BICD1: variants seen among roughly 807,000 people sequenced by gnomAD.
BICD1 encodes the protein BICD cargo adaptor 1.
BICD1 carries 35 observed loss-of-function variants against 92.5 expected under a neutral mutation model. The observed-to-expected ratio is 0.38, with a 90% CI of 0.29 to 0.50. The LOEUF (loss-of-function observed/expected upper bound fraction) is 0.50, where lower values mean the gene tolerates loss of function less well. Ranked by LOEUF, BICD1 falls within the 20% of genes least tolerant of loss-of-function variation. BICD1 has a pLI of 0.93. For synonymous variants in BICD1, 429 were observed against 465.1 expected, an observed-to-expected ratio of 0.92 and a Z score of 1.00; for missense variants, 950 against 1,189.8, an observed-to-expected ratio of 0.80 and a Z score of 2.97.
intron 1 of BICD1, among the ~76,000 whole-genome samples, chr12:32,193,829 G>A (rs1177448714): frequency 6.6e-6 from 1 of 152,146 alleles, no homozygotes; most frequent in African/African-American, 2.4e-5. Flanking sequence ...AATTCGAGAG[G>A]AGGGAACACT....
In BICD1 at chr12:32,268,006, T is replaced by C. The variant is rs551110931; in HGVS notation, c.427-25988T>C. ...TTTTTGAAGAAATGGTGTCTTACTG[T>C]GTAGCCCAGACTGGCCTCAAACTCC... On this transcript the variant is annotated intron_variant, in intron 2 of 9. Coordinates refer to ENST00000652176, the MANE Select transcript of BICD1 (RefSeq NM_001714.4). 2.6e-5 allele frequency among the ~76,000 whole-genome samples: 4 copies of C among 152,290 alleles called. No homozygotes were observed. In the South Asian group the frequency reaches 8.3e-4, roughly 32 times the overall value.
chr12:32,246,916 G>T, intron 2 of BICD1, among the ~76,000 whole-genome samples: 1 of 152,042 alleles, frequency 6.6e-6, no homozygotes, highest in East Asian at 1.9e-4. Flanking sequence ...TGGTTTGGGG[G>T]TGGGGAGTAT....
chr12:32,155,928 A>C (rs1224593919), intron 1 of BICD1, among the ~76,000 whole-genome samples: 1 of 152,224 alleles, frequency 6.6e-6, no homozygotes, highest in Non-Finnish European at 1.5e-5. Context: ...ACCTGGACAT[A>C]TCTAGCAATT....
chr12:32,213,211 C>T lies in BICD1; in HGVS notation c.214-3036C>T, dbSNP rs560634902. ...CACGTCTTGTTAGTCTCATCTAGTC[C>T]GGAGGAGTCTTTCTATAATTTTCAC... On this transcript the variant is annotated intron_variant, in intron 1 of 9. Transcript: ENST00000652176. Among the ~76,000 whole-genome samples, 164 of 152,246 alleles carry T rather than the reference C, an allele frequency of 1.1e-3. 5 individuals are homozygous for T. In the South Asian group the frequency reaches 0.016, roughly 15 times the overall value.
At chr12:32,207,520 T>TTA (rs1565587557) in intron 1 of BICD1, among the ~76,000 whole-genome samples, 2 of 152,188 alleles carry the variant, frequency 1.3e-5, no homozygotes, top group Non-Finnish European at 2.9e-5. Context: ...TAGATTTTTT[T>TTA]TAAAAAAACA....
At chr12:32,368,297 C>T (rs1333974926) in intron 9 of BICD1, among the ~76,000 whole-genome samples, 1 of 151,660 alleles carries the variant, frequency 6.6e-6, no homozygotes, top group African/African-American at 2.4e-5. Context: ...CCTGGGAGTT[C>T]AAGGCTGCAG....
chr12:32,188,507 G>T lies in BICD1; in HGVS notation c.214-27740G>T, dbSNP rs115089423. On this transcript the variant is annotated intron_variant, in intron 1 of 9. Coordinates refer to ENST00000652176, the MANE Select transcript of BICD1 (RefSeq NM_001714.4). ...AATTCAGTTTTCTGTAAAAAAATAC[G>T]TAGTCTTAAGTTTACAATTCAAAAC... is the stretch of plus-strand genomic sequence containing the variant. Among the ~76,000 whole-genome samples, 903 of 152,222 alleles carry T rather than the reference G, an allele frequency of 5.9e-3. 10 individuals carry two copies. The highest frequency in any genetic ancestry group is 0.021 in the African/African-American group (858 of 41,528).
In BICD1 at chr12:32,120,992, G is replaced by A. The variant is rs1381133084; in HGVS notation, c.213+13448G>A. On this transcript the variant is annotated intron_variant, in intron 1 of 9. Transcript: ENST00000652176. ...AATTTTTTTTTTTTTTTTTTGAGAC[G>A]GAGTCTCGCGCTATTGCCCAGGCTG... is the stretch of plus-strand genomic sequence containing the variant. 8.3e-5 allele frequency among the ~76,000 whole-genome samples: 11 copies of A among 132,766 alleles called. 2 individuals carry two copies. Among genetic ancestry groups the A allele is most frequent in the South Asian group, 2.4e-4 (1 of 4,138 alleles). 87.1% of individuals were successfully genotyped at this position (132,766 alleles called of 152,430 possible).
At position 32,230,491 on chromosome 12, in the gene BICD1, G is replaced by A. The variant is rs1174222003; in HGVS notation, c.426+14032G>A. On this transcript the variant is annotated intron_variant, in intron 2 of 9. Transcript: ENST00000652176. ...GAATTCAAGAATTGAGATCATCTGTGTGGGTATTGAGAATGCCAGGAATTA... is the reference window on the plus strand; with the variant it reads ...GAATTCAAGAATTGAGATCATCTGTATGGGTATTGAGAATGCCAGGAATTA... 2.6e-5 allele frequency among the ~76,000 whole-genome samples: 4 copies of A among 152,136 alleles called. No individual in the cohort carries two copies. The East Asian group carries it at 7.7e-4, about 29-fold the overall frequency.
At chr12:32,224,759 T>G (rs533089951) in intron 2 of BICD1, among the ~76,000 whole-genome samples, 16 of 152,292 alleles carry the variant, frequency 1.1e-4, no homozygotes, top group Non-Finnish European at 2.2e-4. Flanking sequence ...TGGAGTGCAG[T>G]GTTGCAATCT....
chr12:32,302,028 A>G (rs905807743), intron 3 of BICD1, among the ~76,000 whole-genome samples: 12 of 152,104 alleles, frequency 7.9e-5, no homozygotes, highest in African/African-American at 2.7e-4. Context: ...CTGGGACTAC[A>G]TGCACCTGCC....
In BICD1 at chr12:32,205,224, G is replaced by A. The variant is rs947458495; in HGVS notation, c.214-11023G>A. ...ATTGTTAGGAATTTGTTCTAGGGGT[G>A]CCTAGAACCCTGAAAAAATTGAGCC... On this transcript the variant is annotated intron_variant, in intron 1 of 9. Coordinates refer to ENST00000652176, the MANE Select transcript of BICD1 (RefSeq NM_001714.4). Among the ~76,000 whole-genome samples, 6 of 152,232 alleles carry A rather than the reference G, an allele frequency of 3.9e-5. No individual in the cohort carries two copies. The East Asian group carries it at 1.2e-3, about 29-fold the overall frequency.
chr12:32,125,814 G>A (rs989536748), intron 1 of BICD1, among the ~76,000 whole-genome samples: 2 of 151,824 alleles, frequency 1.3e-5, no homozygotes, highest in African/African-American at 2.4e-5. Context: ...AGCCAAGGCA[G>A]GTGGATCACT....
At chr12:32,168,995 A>T (rs1018623020) in intron 1 of BICD1, among the ~76,000 whole-genome samples, 2 of 152,148 alleles carry the variant, frequency 1.3e-5, no homozygotes, top group Non-Finnish European at 2.9e-5. Flanking sequence ...AAAATTGACC[A>T]TTGAGAAAAA....
chr12:32,177,396 T>C (rs1484177186), intron 1 of BICD1, among the ~76,000 whole-genome samples: 1 of 151,530 alleles, frequency 6.6e-6, no homozygotes, highest in Non-Finnish European at 1.5e-5. Context: ...ATAGGTATAA[T>C]TTTGAGTTAG....
chr12:32,305,363 T>G (rs1948184242), intron 3 of BICD1, among the ~76,000 whole-genome samples: 1 of 151,996 alleles, frequency 6.6e-6, no homozygotes, highest in African/African-American at 2.4e-5. Flanking sequence ...GACCACTGGA[T>G]CCTATGAAAG....
At position 32,334,533 on chromosome 12, in the gene BICD1, A is replaced by G. The variant is rs1230464426; in HGVS notation, c.2118A>G (p.Leu706=). ...TGCTTTAGACAGCTGAGGTGGCGCT[A>G]GCTAATCTCAAGAACAAATATGAAA... The part of the protein sequence containing the change: ...KANKQTAEVA[L]ANLKNKYENE... Residue 706 remains leucine, a synonymous_variant, in exon 6 of 10, where the codon CTA becomes CTG. Coordinates refer to ENST00000652176, the MANE Select transcript of BICD1 (RefSeq NM_001714.4). 2 of 1,610,054 alleles carry G rather than the reference A, an allele frequency of 1.2e-6. No homozygotes were observed.
chr12:32,114,743 T>A (rs1473301048), intron 1 of BICD1, among the ~76,000 whole-genome samples: 1 of 152,198 alleles, frequency 6.6e-6, no homozygotes, highest in Non-Finnish European at 1.5e-5. Context: ...GAATATGGGA[T>A]ATAAACAATT....
chr12:32,293,938 C>CT (rs1444029273), intron 2 of BICD1, 56 bp from the exon 3 acceptor site: 1 of 1,541,642 alleles, frequency 6.5e-7, no homozygotes. Context: ...GACTTTACAC[C>CT]TTGTAAAATC....
Sources: allele counts gnomAD v4.1 joint callset (sites outside exome capture counted in the v4.1 genomes callset), GRCh38; gene constraint gnomAD v4.1.1; transcripts MANE v1.5; gene names NCBI Gene and HGNC (gene_info 2026-07-23, HGNC 2026-07-21).